The following PRRX1 variants were observed in gnomAD, a reference collection of about 807,000 sequenced individuals.
PRRX1 encodes the protein paired related homeobox 1, also known as paired mesoderm homeobox protein 1.
In PRRX1, 8 loss-of-function variants were observed where a neutral mutation model predicts 24.0. The ratio of observed to expected loss-of-function variants is 0.33; its 90% CI spans 0.20 to 0.60. The LOEUF (loss-of-function observed/expected upper bound fraction) is 0.60. Ranked by LOEUF, PRRX1 falls within the 20% of genes least tolerant of loss-of-function variation. The probability of loss-of-function intolerance (pLI) is 0.82; values close to 1 mark genes in which losing one functional copy is unlikely to be tolerated. For synonymous variants in PRRX1, 160 were observed against 131.7 expected, an observed-to-expected ratio of 1.22 and a Z score of -1.47; for missense variants, 281 against 322.4, an observed-to-expected ratio of 0.87 and a Z score of 0.98.
rs1382551629 is a variant in PRRX1 at position 170,726,419 on chromosome 1, T to G, written c.599+18T>G. ...CCGTACAGGTGAATGACTGGCCCACTCTCCCTTGCTCCACTTCCACATGTT... is the reference window on the plus strand; with the variant it reads ...CCGTACAGGTGAATGACTGGCCCACGCTCCCTTGCTCCACTTCCACATGTT... On this transcript the variant is annotated intron_variant, in intron 3 of 3. Coordinates refer to ENST00000239461, the MANE Select transcript of PRRX1 (RefSeq NM_022716.4). 6.2e-7 allele frequency: 1 copy of G among 1,610,416 alleles called. No individual in the cohort carries two copies. The highest frequency in any genetic ancestry group is 1.1e-5 in the South Asian group (1 of 90,970).
chr1:170,698,467 G>T (rs1304829528), intron 1 of PRRX1, among the ~76,000 whole-genome samples: 2 of 152,090 alleles, frequency 1.3e-5, no homozygotes, highest in Non-Finnish European at 2.9e-5. Context: ...AATGCAAAAA[G>T]GCTTCTTCCA....
chr1:170,667,308 G>A (rs1335867013), intron 1 of PRRX1: 3 of 116,222 alleles, frequency 2.6e-5, no homozygotes, highest in African/African-American at 4.0e-5. Context: ...GCGCGCGCGC[G>A]CGCACACACA....
In PRRX1 at chr1:170,719,826, G is replaced by T. The variant is rs1655023899; in HGVS notation, c.342G>T (p.Glu114Asp). Residue 114 changes from glutamate to aspartate, a missense_variant, in exon 2 of 4, where the codon GAG becomes GAT. Coordinates refer to ENST00000239461, the MANE Select transcript of PRRX1 (RefSeq NM_022716.4). ...TGCAGGCTTTGGAGCGTGTCTTTGAGCGGACACACTATCCTGATGCTTTTG... is the reference window on the plus strand; with the variant it reads ...TGCAGGCTTTGGAGCGTGTCTTTGATCGGACACACTATCCTGATGCTTTTG... The part of the protein sequence containing the change: ...SQLQALERVF[E>D]RTHYPDAFVR... The T allele has an allele frequency of 6.2e-7, 1 of 1,614,086 alleles. No individual in the cohort carries two copies. The highest frequency in any genetic ancestry group is 8.5e-7 in the Non-Finnish European group (1 of 1,180,050).
chr1:170,687,746 G>C (rs759227616), intron 1 of PRRX1, among the ~76,000 whole-genome samples: 1 of 152,086 alleles, frequency 6.6e-6, no homozygotes, highest in African/African-American at 2.4e-5. Flanking sequence ...TGTGGAGTCC[G>C]TTATCACTCA....
chr1:170,714,875 G>A (rs956187722), intron 1 of PRRX1, among the ~76,000 whole-genome samples: 1 of 152,152 alleles, frequency 6.6e-6, no homozygotes, highest in African/African-American at 2.4e-5. Context: ...TGAATGCACA[G>A]AGGGTAGCCT....
chr1:170,697,665 T>TAA (rs1328608035), intron 1 of PRRX1, among the ~76,000 whole-genome samples: 1 of 148,258 alleles, frequency 6.7e-6, no homozygotes, highest in Non-Finnish European at 1.5e-5. Flanking sequence ...TAAATATACA[T>TAA]ATATTTATAT....
chr1:170,726,153 T>C, intron 2 of PRRX1, 67 bp from the exon 3 acceptor site: 1 of 1,462,134 alleles, frequency 6.8e-7, no homozygotes, highest in Non-Finnish European at 9.5e-7. Context: ...ATTTCATTCA[T>C]GTAACCCCTT....
In PRRX1 at chr1:170,692,729, TCTCTCTCTCTCTCA is replaced by T. The variant is rs1213376734; in HGVS notation, c.242-26995_242-26982del. Among the ~76,000 whole-genome samples, 6 of 137,996 alleles carry T rather than the reference TCTCTCTCTCTCTCA, an allele frequency of 4.3e-5. No individual in the cohort carries two copies. In the South Asian group the frequency reaches 1.4e-3, roughly 32 times the overall value. 90.5% of individuals were successfully genotyped at this position (137,996 alleles called of 152,430 possible). Reference sequence around the variant, plus strand: ...CTAACAAATCCTCTCTCTCTCTCTCTCTCTCTCTCTCTCACACACACACACACACACACAGACAC... The same window carrying T: ...CTAACAAATCCTCTCTCTCTCTCTCTCACACACACACACACACACAGACAC... On this transcript the variant is annotated intron_variant, in intron 1 of 3. Transcript: ENST00000239461.
chr1:170,707,282 C>T (rs1654600757), intron 1 of PRRX1, among the ~76,000 whole-genome samples: 2 of 152,102 alleles, frequency 1.3e-5, no homozygotes, highest in African/African-American at 4.8e-5. Context: ...ATGACCACTA[C>T]AACTAAAAAG....
rs146791615 is a variant in PRRX1, at chr1:170,731,421, T to C, written c.600-4627T>C. On this transcript the variant is annotated intron_variant, in intron 3 of 3. Transcript: ENST00000239461. ...TTGTAAACATCTTGTCATCATTTGT[T>C]CAAAGGGCCAAATAGAAAACAAAGA... 1.6e-3 allele frequency among the ~76,000 whole-genome samples: 237 copies of C among 152,298 alleles called. 2 individuals are homozygous for C. The East Asian group carries it at 0.016, about 10-fold the overall frequency.
At chr1:170,695,026 G>A (rs1654120206) in intron 1 of PRRX1, among the ~76,000 whole-genome samples, 1 of 152,140 alleles carries the variant, frequency 6.6e-6, no homozygotes. Context: ...GACCTTACTT[G>A]TAGTTGCAAA....
chr1:170,736,161 G>T lies in PRRX1; in HGVS notation c.713G>T (p.Arg238Met), dbSNP rs758861054. 5 of 1,614,024 alleles carry T rather than the reference G, an allele frequency of 3.1e-6. No individual in the cohort carries two copies. The highest frequency in any genetic ancestry group is 4.2e-6 in the Non-Finnish European group (5 of 1,180,022). Reference protein sequence around the residue: ...RLKAKEYSLQRNQVPTVN With the variant: ...RLKAKEYSLQMNQVPTVN ...AAGGCCAAGGAATATAGTTTACAGA[G>T]GAACCAGGTGCCAACAGTCAACTGA... Residue 238 changes from arginine (R) to methionine (M), a missense_variant, in exon 4 of 4, where the codon AGG becomes ATG. Transcript: ENST00000239461.
intron 1 of PRRX1, among the ~76,000 whole-genome samples, chr1:170,690,842 T>C (rs1653921779): frequency 6.6e-6 from 1 of 151,972 alleles, no homozygotes; most frequent in Non-Finnish European, 1.5e-5. Flanking sequence ...TTTCAGAAAA[T>C]GTAAGAGACT....
chr1:170,719,437 T>G (rs907504789), intron 1 of PRRX1, among the ~76,000 whole-genome samples: 2 of 152,248 alleles, frequency 1.3e-5, no homozygotes. Flanking sequence ...AAGATTTTCC[T>G]TGACAAACAG....
intron 1 of PRRX1, among the ~76,000 whole-genome samples, chr1:170,689,886 G>A (rs950922301): frequency 8.6e-5 from 13 of 150,836 alleles, no homozygotes; most frequent in Admixed American, 7.3e-4. Context: ...GTGGGTGTGT[G>A]TGTGTGCGTG....
intron 1 of PRRX1, chr1:170,668,277 T>G (rs1226453351): frequency 6.6e-6 from 1 of 152,170 alleles, no homozygotes; most frequent in Non-Finnish European, 1.5e-5. Context: ...ATGAGGACAG[T>G]GCATCCCGCT....
chr1:170,715,127 T>C (rs1430000615), intron 1 of PRRX1, among the ~76,000 whole-genome samples: 1 of 152,192 alleles, frequency 6.6e-6, no homozygotes, highest in East Asian at 1.9e-4. Flanking sequence ...GTGACTATCC[T>C]ATCTGATAAA....
intron 3 of PRRX1, among the ~76,000 whole-genome samples, chr1:170,729,557 G>C (rs993548131): frequency 6.6e-6 from 1 of 152,128 alleles, no homozygotes; most frequent in Non-Finnish European, 1.5e-5. Flanking sequence ...TGTTCAAACT[G>C]GGACATTTTT....
intron 1 of PRRX1, among the ~76,000 whole-genome samples, chr1:170,701,864 GA>G (rs1487899626): frequency 6.6e-6 from 1 of 151,720 alleles, no homozygotes; most frequent in Non-Finnish European, 1.5e-5. Context: ...TTTGTGTTGG[GA>G]ACACTCAAAA....
Sources: allele counts gnomAD v4.1 joint callset (sites outside exome capture counted in the v4.1 genomes callset), GRCh38; gene constraint gnomAD v4.1.1; transcripts MANE v1.5; gene names NCBI Gene and HGNC (gene_info 2026-07-23, HGNC 2026-07-21).